Variants in UFD1 observed in about 807,000 individuals in gnomAD.
UFD1 encodes ubiquitin recognition factor in ER associated degradation 1.
UFD1 carries 13 observed loss-of-function variants against 45.9 expected under a neutral mutation model. That is an observed-to-expected ratio of 0.28 (90% CI 0.18 to 0.45). UFD1 has a LOEUF of 0.45. Among genes scored for constraint, UFD1 ranks in the 20% least tolerant of loss-of-function variants. The pLI is 1.00. For missense variants in UFD1, 218 were observed against 389.2 expected, an observed-to-expected ratio of 0.56 and a Z score of 3.70; for synonymous variants, 128 against 139.2, an observed-to-expected ratio of 0.92 and a Z score of 0.56.
Position 19,450,279 on chromosome 22 carries a change from G to A in UFD1, c.*391C>T, listed in dbSNP as rs1208003631. The A allele has an allele frequency of 5.9e-6, 1 of 169,682 alleles. No homozygotes were observed. Among genetic ancestry groups the A allele is most frequent in the Non-Finnish European group, 1.3e-5 (1 of 78,282 alleles). 10.5% of individuals were successfully genotyped at this position (169,682 alleles called of 1,614,324 possible). A position where few individuals can be genotyped will look rare whatever the true frequency, so the allele number is the denominator to read the frequency against. On this transcript the variant is annotated 3_prime_UTR_variant, in exon 12 of 12. Transcript: ENST00000263202. ...GACTGACACCTATGCAATTGATGTA[G>A]GAAAAGAAAGGATAAATGAAGAAAA...
Position 19,479,149 on chromosome 22 carries a change from G to T in UFD1, c.-64C>A. 1 of 1,585,662 alleles carries T rather than the reference G, an allele frequency of 6.3e-7. No homozygotes were observed. Among genetic ancestry groups the T allele is most frequent in the Non-Finnish European group, 8.6e-7 (1 of 1,167,470 alleles). ...ATGCAACGAAGAAACCCCGCCGACC[G>T]CTCTCCCAGCCGCCGCTGCCGCTGC... On this transcript the variant is annotated 5_prime_UTR_variant, in exon 1 of 12. Coordinates refer to ENST00000263202, the MANE Select transcript of UFD1 (RefSeq NM_005659.7).
At chr22:19,458,167 G>A (rs773822601) in intron 6 of UFD1, 28 bp from the exon 7 acceptor site, 2 of 1,613,510 alleles carry the variant, frequency 1.2e-6, no homozygotes, top group African/African-American at 2.7e-5. Context: ...AAATCAGTTG[G>A]ATGGTTTCCT....
chr22:19,460,663 G>A (rs1381414611), intron 6 of UFD1, among the ~76,000 whole-genome samples: 1 of 151,888 alleles, frequency 6.6e-6, no homozygotes, highest in Non-Finnish European at 1.5e-5. Flanking sequence ...CTGTGGCCAT[G>A]TGTGTGGAGG....
chr22:19,470,278 G>A lies in UFD1; in HGVS notation c.291+1409C>T, dbSNP rs569435464. ...AGCATGGGAAGGCCAGGCACTAGGA[G>A]GTGCAATGGGAGTGCAGGGCTCTTG... On this transcript the variant is annotated intron_variant, in intron 4 of 11. Coordinates refer to ENST00000263202, the MANE Select transcript of UFD1 (RefSeq NM_005659.7). 2.2e-4 allele frequency among the ~76,000 whole-genome samples: 34 copies of A among 152,332 alleles called. 1 individual carries two copies. The highest frequency in any genetic ancestry group is 7.9e-4 in the African/African-American group (33 of 41,582).
chr22:19,465,495 G>A, intron 5 of UFD1: 1 of 504,504 alleles, frequency 2.0e-6, no homozygotes, highest in Non-Finnish European at 3.6e-6. Flanking sequence ...CAAATGCCAA[G>A]CTGGGGGAAG....
At chr22:19,472,091 T>C (rs1417205393) in intron 3 of UFD1, among the ~76,000 whole-genome samples, 1 of 152,224 alleles carries the variant, frequency 6.6e-6, no homozygotes, top group Non-Finnish European at 1.5e-5. Context: ...CACCATGCCC[T>C]GGACAAAATC....
chr22:19,478,279 T>G (rs2089905950), intron 1 of UFD1, among the ~76,000 whole-genome samples: 1 of 152,196 alleles, frequency 6.6e-6, no homozygotes, highest in African/African-American at 2.4e-5. Context: ...AGCCAGGGTT[T>G]GACAGTGACA....
chr22:19,478,679 C>A, intron 1 of UFD1: 1 of 134,088 alleles, frequency 7.5e-6, no homozygotes, highest in East Asian at 1.8e-4. Context: ...CTGGGTGTCC[C>A]CCAAGAGCGG....
intron 6 of UFD1, 121 bp downstream of exon 6, chr22:19,465,081 T>G: frequency 1.1e-6 from 1 of 894,926 alleles, no homozygotes; most frequent in Non-Finnish European, 1.8e-6. Flanking sequence ...AACCAAACAG[T>G]AGGCAGTAAT....
At chr22:19,454,096 T>A in intron 11 of UFD1, 2 of 985,666 alleles carry the variant, frequency 2.0e-6, no homozygotes, top group East Asian at 1.1e-4. Context: ...AAGTTCAAGG[T>A]CTCTGTTGGA....
rs188959098 is a variant in UFD1, at chr22:19,476,900, A to G, written c.4-1298T>C. On this transcript the variant is annotated intron_variant, in intron 1 of 11. Coordinates refer to ENST00000263202, the MANE Select transcript of UFD1 (RefSeq NM_005659.7). ...TACACGCCTGTAATCCCAGCTACTC[A>G]GGAGGCTGAGGCAGAAGAATCGCTT... Among the ~76,000 whole-genome samples the G allele has an allele frequency of 1.2e-3, 180 of 149,872 alleles. No homozygotes were observed. The East Asian group carries it at 0.021, about 18-fold the overall frequency.
At chr22:19,465,364 G>C (rs539277553) in intron 5 of UFD1, 90 bp from the exon 6 acceptor site, 76 of 1,122,344 alleles carry the variant, frequency 6.8e-5, no homozygotes, top group Non-Finnish European at 9.7e-5. Context: ...GGTAGGTAGA[G>C]ACTGTACCAT....
chr22:19,479,163 C>G lies in UFD1; in HGVS notation c.-78G>C, dbSNP rs545807767. On this transcript the variant is annotated 5_prime_UTR_variant, in exon 1 of 12. Transcript: ENST00000263202. ...CCCCGCCGACCGCTCTCCCAGCCGC[C>G]GCTGCCGCTGCCGCCGCGCCAAGCC... The G allele has an allele frequency of 1.9e-6, 3 of 1,569,350 alleles. No individual in the cohort carries two copies. The highest frequency in any genetic ancestry group is 2.7e-5 in the African/African-American group (2 of 73,662).
At chr22:19,457,951 C>A (rs752691447) in intron 7 of UFD1, 120 bp downstream of exon 7, 1 of 984,684 alleles carries the variant, frequency 1.0e-6, no homozygotes, top group Non-Finnish European at 1.6e-6. Flanking sequence ...GCATCTTCCT[C>A]CTCTTTACCC....
At chr22:19,456,963 C>A in intron 7 of UFD1, 45 bp from the exon 8 acceptor site, 1 of 1,311,464 alleles carries the variant, frequency 7.6e-7, no homozygotes, top group South Asian at 1.3e-5. Context: ...GACATGACCA[C>A]CCTTGGCTTC....
intron 1 of UFD1, among the ~76,000 whole-genome samples, chr22:19,476,507 G>A (rs1191413092): frequency 6.6e-6 from 1 of 151,900 alleles, no homozygotes; most frequent in East Asian, 1.9e-4. Context: ...TTAAACTGTA[G>A]ACTAAGATGA....
intron 5 of UFD1, chr22:19,466,013 T>C (rs535848747): frequency 6.6e-6 from 1 of 152,220 alleles, no homozygotes; most frequent in Non-Finnish European, 1.5e-5. Context: ...GCTGAAGGAC[T>C]TTACATAAAA....
intron 4 of UFD1, chr22:19,470,610 C>G: frequency 2.6e-6 from 1 of 390,696 alleles, no homozygotes; most frequent in Non-Finnish European, 5.1e-6. Flanking sequence ...CCCGGCTAGT[C>G]TTTGTATTTT....
chr22:19,471,212 G>C (rs1005543586), intron 4 of UFD1: 3 of 510,252 alleles, frequency 5.9e-6, no homozygotes, highest in Admixed American at 2.0e-5. Flanking sequence ...TTTCCAAAGA[G>C]AGCCTGCTTG....
Sources: allele counts gnomAD v4.1 joint callset (sites outside exome capture counted in the v4.1 genomes callset), GRCh38; gene constraint gnomAD v4.1.1; transcripts MANE v1.5; gene names NCBI Gene and HGNC (gene_info 2026-07-23, HGNC 2026-07-21).